PIK3C3: variants seen among roughly 807,000 people sequenced by gnomAD.
The protein encoded by PIK3C3 is PI3-kinase type 3.
PIK3C3 carries 95 observed loss-of-function variants against 126.1 expected under a neutral mutation model. That is an observed-to-expected ratio of 0.75 (90% CI 0.64 to 0.89). The LOEUF is 0.89. Ranked by LOEUF, PIK3C3 falls within the 40% of genes least tolerant of loss-of-function variation. The pLI, the probability that PIK3C3 is intolerant of heterozygous loss-of-function variation, is 0.00. For synonymous variants in PIK3C3, 374 were observed against 360.0 expected, an observed-to-expected ratio of 1.04 and a Z score of -0.44; for missense variants, 829 against 1,063.2, an observed-to-expected ratio of 0.78 and a Z score of 3.06.
chr18:42,067,554 G>A (rs748186077), intron 24 of PIK3C3, 41 bp downstream of exon 24: 16 of 1,608,648 alleles, frequency 9.9e-6, no homozygotes, highest in Middle Eastern at 1.7e-4. Context: ...CACCTTCTCC[G>A]TGTACTGCCC....
intron 9 of PIK3C3, among the ~76,000 whole-genome samples, chr18:42,002,842 T>C (rs760029248): frequency 1.9e-4 from 29 of 152,294 alleles, no homozygotes; most frequent in Admixed American, 7.8e-4. Context: ...AGAATCAGGC[T>C]GAAGACAAAT....
At chr18:42,041,371 A>G (rs1984309831) in intron 19 of PIK3C3, among the ~76,000 whole-genome samples, 1 of 151,968 alleles carries the variant, frequency 6.6e-6, no homozygotes, top group Non-Finnish European at 1.5e-5. Context: ...ATTGTTGCTC[A>G]TCTGTCTTTT....
intron 4 of PIK3C3, among the ~76,000 whole-genome samples, chr18:41,976,931 A>G (rs923439439): frequency 2.0e-5 from 3 of 152,236 alleles, no homozygotes; most frequent in African/African-American, 7.2e-5. Flanking sequence ...TAAATTCTTT[A>G]TGGAAATCTC....
At chr18:42,038,737 CAGTCTTTACATTTGGTTA>C in intron 17 of PIK3C3, 26 bp from the exon 18 acceptor site, 3 of 1,204,630 alleles carry the variant, frequency 2.5e-6, no homozygotes, top group Non-Finnish European at 3.7e-6. Context: ...TGTCTTTTAA[CAGTCTTTACATTTGGTTA>C]ATATATTTTA....
At chr18:42,008,825 G>A (rs940406214) in intron 10 of PIK3C3, among the ~76,000 whole-genome samples, 3 of 152,042 alleles carry the variant, frequency 2.0e-5, no homozygotes, top group East Asian at 1.9e-4. Context: ...TACAAATGAA[G>A]GAAAGTATAG....
At chr18:42,017,168 A>G (rs1983114058) in intron 12 of PIK3C3, among the ~76,000 whole-genome samples, 1 of 152,040 alleles carries the variant, frequency 6.6e-6, no homozygotes, top group South Asian at 2.1e-4. Flanking sequence ...TGTATTGTAC[A>G]AGCCATTGTC....
intron 12 of PIK3C3, among the ~76,000 whole-genome samples, chr18:42,019,672 G>A (rs1387728346): frequency 1.3e-5 from 2 of 151,926 alleles, no homozygotes; most frequent in African/African-American, 4.8e-5. Flanking sequence ...CTTGTCCTAG[G>A]TTGTGTTAAT....
At chr18:42,077,322 C>T (rs1351712789) in intron 24 of PIK3C3, among the ~76,000 whole-genome samples, 1 of 152,176 alleles carries the variant, frequency 6.6e-6, no homozygotes, top group Admixed American at 6.5e-5. Flanking sequence ...GTTGATTCTT[C>T]CTTTCACAAA....
intron 13 of PIK3C3, among the ~76,000 whole-genome samples, chr18:42,021,374 A>C (rs1472842784): frequency 2.6e-5 from 4 of 152,278 alleles, no homozygotes; most frequent in South Asian, 2.1e-4. Flanking sequence ...GGTGCCCTTT[A>C]TTTGCCCCAG....
intron 13 of PIK3C3, among the ~76,000 whole-genome samples, chr18:42,024,230 A>C (rs1983451579): frequency 6.6e-6 from 1 of 152,184 alleles, no homozygotes; most frequent in Admixed American, 6.5e-5. Context: ...TTTTGTTTGC[A>C]TTCCTACTTT....
At chr18:42,057,708 T>C (rs1985133693) in intron 21 of PIK3C3, 175 bp from the exon 22 acceptor site, 1 of 576,896 alleles carries the variant, frequency 1.7e-6, no homozygotes, top group Non-Finnish European at 3.0e-6. Flanking sequence ...GAGTTAATTA[T>C]GTTCTGAAGG....
At position 42,081,426 on chromosome 18, in the gene PIK3C3, G is replaced by C. The variant is rs1427209802; in HGVS notation, c.*289G>C. Reference sequence around the variant, plus strand: ...ATTCTTATTTATGTACATGTTATGAGAGTTCTGGAGGAAGTAATATGTTGA... The same window carrying C: ...ATTCTTATTTATGTACATGTTATGACAGTTCTGGAGGAAGTAATATGTTGA... On this transcript the variant is annotated 3_prime_UTR_variant, in exon 25 of 25. Coordinates refer to ENST00000262039, the MANE Select transcript of PIK3C3 (RefSeq NM_002647.4). 1 of 325,446 alleles carries C rather than the reference G, an allele frequency of 3.1e-6. No homozygotes were observed. The allele number at this position is 325,446 out of a possible 1,614,324, so 20.2% of individuals were successfully genotyped here. A position where few individuals can be genotyped will look rare whatever the true frequency, so the allele number is the denominator to read the frequency against.
intron 10 of PIK3C3, 94 bp downstream of exon 10, chr18:42,004,635 G>T: frequency 1.0e-6 from 1 of 962,044 alleles, no homozygotes. Flanking sequence ...GAGTGAGAGA[G>T]AGAGTGTGTG....
chr18:42,023,872 C>A (rs1203142638), intron 13 of PIK3C3, among the ~76,000 whole-genome samples: 1 of 151,934 alleles, frequency 6.6e-6, no homozygotes, highest in Non-Finnish European at 1.5e-5. Context: ...TCATTTGTTC[C>A]CTTTCTGGTG....
intron 22 of PIK3C3, chr18:42,059,685 T>G (rs1317245119): frequency 6.6e-6 from 1 of 152,142 alleles, no homozygotes; most frequent in African/African-American, 2.4e-5. Flanking sequence ...TCTAAATAAT[T>G]TTATGCAGAG....
At chr18:42,080,376 A>G (rs1280536910) in intron 24 of PIK3C3, among the ~76,000 whole-genome samples, 3 of 152,188 alleles carry the variant, frequency 2.0e-5, no homozygotes, top group Non-Finnish European at 4.4e-5. Context: ...GTGCACACAC[A>G]CACAGACACA....
chr18:42,015,330 T>C (rs1983022900), intron 11 of PIK3C3, 146 bp from the exon 12 acceptor site: 6 of 611,992 alleles, frequency 9.8e-6, no homozygotes, highest in Admixed American at 2.7e-5. Context: ...CAGAGTACAA[T>C]GTGACTCTAG....
rs1985142771 is a variant in PIK3C3, at chr18:42,057,876, C to T, written c.2264-7C>T. The T allele has an allele frequency of 1.2e-6, 2 of 1,612,710 alleles. No homozygotes were observed. The highest frequency in any genetic ancestry group is 2.2e-5 in the East Asian group (1 of 44,832). On this transcript the variant is annotated splice_region_variant and splice_polypyrimidine_tract_variant and intron_variant, in intron 21 of 24. Transcript: ENST00000262039. ...TGGAAACAAATGAGTTTCTTGTCAA[C>T]ATCCAGGCAAACTCTTCCACATAGA...
chr18:41,983,328 T>G (rs2144337821), intron 4 of PIK3C3, among the ~76,000 whole-genome samples: 1 of 152,142 alleles, frequency 6.6e-6, no homozygotes, highest in Middle Eastern at 3.4e-3. Flanking sequence ...TGTATAAAGA[T>G]TAGGGAAGAG....
Sources: gnomAD v4.1 joint callset for allele counts (sites outside exome capture counted in the v4.1 genomes callset) on GRCh38, gnomAD v4.1.1 for gene constraint, MANE v1.5 for transcripts, NCBI Gene and HGNC (gene_info 2026-07-23, HGNC 2026-07-21) for gene names.